Variants in IGSF11 observed in about 807,000 individuals in gnomAD.
The protein encoded by IGSF11 is CXADR like 1.
Under a neutral mutation model 41.0 loss-of-function variants are expected in IGSF11, and 22 were observed. The ratio of observed to expected loss-of-function variants is 0.54; its 90% CI spans 0.38 to 0.77. The LOEUF (loss-of-function observed/expected upper bound fraction) is 0.77. Among genes scored for constraint, IGSF11 ranks in the 30% least tolerant of loss-of-function variants. The pLI is 0.00. For missense variants in IGSF11, 444 were observed against 530.8 expected, an observed-to-expected ratio of 0.84 and a Z score of 1.61; for synonymous variants, 219 against 201.3, an observed-to-expected ratio of 1.09 and a Z score of -0.74.
chr3:119,086,418 C>T (rs910117195), intron 1 of IGSF11, among the ~76,000 whole-genome samples: 1 of 151,990 alleles, frequency 6.6e-6, no homozygotes, highest in Non-Finnish European at 1.5e-5. Context: ...AAGTCACCAT[C>T]CCCAAGGAAC....
At position 118,977,874 on chromosome 3, in the gene IGSF11, G is replaced by A. The variant is rs74720987; in HGVS notation, c.53-47599C>T. On this transcript the variant is annotated intron_variant, in intron 1 of 6. Coordinates refer to ENST00000393775, the MANE Select transcript of IGSF11 (RefSeq NM_001015887.3). The stretch of plus-strand genomic sequence containing the variant: ...CCATTTTAAGAGCCTAGCCCACAAT[G>A]GACTACGTCCTGCCCTGCAACCAGG... Among the ~76,000 whole-genome samples, 169 of 152,228 alleles carry A rather than the reference G, an allele frequency of 1.1e-3. 2 individuals are homozygous for A. The highest frequency in any genetic ancestry group is 4.0e-3 in the African/African-American group (168 of 41,520).
chr3:118,931,779 C>T (rs890334576), intron 1 of IGSF11, among the ~76,000 whole-genome samples: 20 of 148,168 alleles, frequency 1.3e-4, no homozygotes, highest in Non-Finnish European at 2.5e-4. Context: ...TGTTGCCAGG[C>T]TGGAGTGCAG....
rs62273462 is a variant in IGSF11, at chr3:119,031,085, C to T, written c.52+3446G>A. Among the ~76,000 whole-genome samples, 662 of 152,060 alleles carry T rather than the reference C, an allele frequency of 4.4e-3. 3 individuals carry two copies. The highest frequency in any genetic ancestry group is 7.7e-3 in the South Asian group (37 of 4,810). ...CAGCCTGGCCAACGTGGTGAAACCC[C>T]GTCTCTACTAAAAATACAAAAATTA... On this transcript the variant is annotated intron_variant, in intron 1 of 6. Transcript: ENST00000393775.
chr3:119,013,264 G>A (rs1006748035), intron 1 of IGSF11: 1 of 152,186 alleles, frequency 6.6e-6, no homozygotes, highest in African/African-American at 2.4e-5. Context: ...CTTTGGTGAT[G>A]GACTCAGACT....
intron 1 of IGSF11, among the ~76,000 whole-genome samples, chr3:119,129,541 G>A (rs1336996965): frequency 1.3e-5 from 2 of 152,132 alleles, no homozygotes; most frequent in Non-Finnish European, 2.9e-5. Context: ...GCAGGGGGAT[G>A]AAGTTAAGGT....
intron 3 of IGSF11, 72 bp from the exon 4 acceptor site, chr3:118,926,328 C>G: frequency 1.7e-6 from 2 of 1,202,592 alleles, no homozygotes; most frequent in Non-Finnish European, 2.3e-6. Context: ...GAGACATCAA[C>G]ATTCAGTACA....
At chr3:119,060,216 T>C (rs1403434174) in intron 1 of IGSF11, among the ~76,000 whole-genome samples, 1 of 152,204 alleles carries the variant, frequency 6.6e-6, no homozygotes, top group East Asian at 1.9e-4. Flanking sequence ...GTCTTTAGGA[T>C]TAAAGTGTTG....
chr3:119,069,496 C>T (rs1942336126), intron 1 of IGSF11, among the ~76,000 whole-genome samples: 1 of 152,116 alleles, frequency 6.6e-6, no homozygotes, highest in Non-Finnish European at 1.5e-5. Context: ...TTAAAGACAT[C>T]TGATAAATAC....
upstream of IGSF11, among the ~76,000 whole-genome samples, chr3:119,035,383 G>C (rs139298073): frequency 4.1e-4 from 63 of 152,308 alleles, no homozygotes; most frequent in African/African-American, 1.3e-3. Flanking sequence ...TTTCCTGGAT[G>C]CCTTTTCACC....
At chr3:118,968,809 C>A (rs1243928008) in intron 1 of IGSF11, among the ~76,000 whole-genome samples, 2 of 152,206 alleles carry the variant, frequency 1.3e-5, no homozygotes, top group African/African-American at 4.8e-5. Flanking sequence ...TTAACACCAT[C>A]AAGGTTTCTA....
intron 1 of IGSF11, among the ~76,000 whole-genome samples, chr3:118,957,848 A>G (rs1388687633): frequency 1.3e-5 from 2 of 152,216 alleles, no homozygotes; most frequent in African/African-American, 2.4e-5. Context: ...TTGACCAAGG[A>G]TAAAATAACT....
At chr3:119,015,719 A>G (rs956170068) in intron 1 of IGSF11, among the ~76,000 whole-genome samples, 6 of 151,884 alleles carry the variant, frequency 4.0e-5, no homozygotes, top group Non-Finnish European at 8.8e-5. Context: ...CAGGCACTAG[A>G]TAAATATTTA....
intron 4 of IGSF11, among the ~76,000 whole-genome samples, chr3:118,912,352 TG>T (rs1293248433): frequency 6.6e-6 from 1 of 152,106 alleles, no homozygotes; most frequent in Non-Finnish European, 1.5e-5. Flanking sequence ...ACTTGGAGAG[TG>T]GGTGTCATTC....
chr3:119,128,799 C>T (rs559205940), intron 1 of IGSF11, among the ~76,000 whole-genome samples: 1 of 152,154 alleles, frequency 6.6e-6, no homozygotes, highest in East Asian at 1.9e-4. Flanking sequence ...TTTGACCCAG[C>T]AATCCCATTA....
intron 1 of IGSF11, among the ~76,000 whole-genome samples, chr3:119,118,483 A>C (rs1006817345): frequency 6.6e-6 from 1 of 152,192 alleles, no homozygotes; most frequent in Non-Finnish European, 1.5e-5. Context: ...TAGGCTGCAC[A>C]CAGCACAGGA....
intron 1 of IGSF11, among the ~76,000 whole-genome samples, chr3:119,060,420 T>A (rs887278603): frequency 6.6e-6 from 1 of 152,178 alleles, no homozygotes; most frequent in South Asian, 2.1e-4. Context: ...TCCAATCTGA[T>A]AGCACATATG....
upstream of IGSF11, among the ~76,000 whole-genome samples, chr3:119,109,019 A>G (rs1230531176): frequency 7.6e-6 from 1 of 132,350 alleles, no homozygotes; most frequent in Non-Finnish European, 1.7e-5. Context: ...TTTTGCATCA[A>G]TGTTCATCAA....
chr3:119,029,173 T>TACACACACACACACACACAC lies in IGSF11; in HGVS notation c.52+5338_52+5357dup, dbSNP rs66598029. On this transcript the variant is annotated intron_variant, in intron 1 of 6. Transcript: ENST00000393775. ...ACATGGTACTGCCTTTTGGGGATAA[T>TACACACACACACACACACAC]ACACACACACACACACACACACACA... Among the ~76,000 whole-genome samples, 475 of 111,544 alleles carry TACACACACACACACACACAC rather than the reference T, an allele frequency of 4.3e-3. 14 individuals carry two copies. The highest frequency in any genetic ancestry group is 0.029 in the South Asian group (76 of 2,638). The allele number at this position is 111,544 out of a possible 152,430, so 73.2% of individuals were successfully genotyped here. A position where few individuals can be genotyped will look rare whatever the true frequency, so the allele number is the denominator to read the frequency against.
chr3:118,958,954 A>T (rs1283934866), intron 1 of IGSF11, among the ~76,000 whole-genome samples: 2 of 152,206 alleles, frequency 1.3e-5, no homozygotes, highest in Non-Finnish European at 2.9e-5. Flanking sequence ...CATTTCATAA[A>T]TTCCAAGTGC....
Sources: allele counts gnomAD v4.1 joint callset (sites outside exome capture counted in the v4.1 genomes callset), GRCh38; gene constraint gnomAD v4.1.1; transcripts MANE v1.5; gene names NCBI Gene and HGNC (gene_info 2026-07-23, HGNC 2026-07-21).